DPP6: variants seen among roughly 807,000 people sequenced by gnomAD.
DPP6 encodes dipeptidyl peptidase like 6.
A neutral mutation model predicts 122.6 loss-of-function variants in DPP6; 69 were observed. The observed-to-expected ratio is 0.56, with a 90% CI of 0.46 to 0.69. The LOEUF (loss-of-function observed/expected upper bound fraction) is 0.69. Ranked by LOEUF, DPP6 falls within the 30% of genes least tolerant of loss-of-function variation. The pLI is 0.00. For missense variants in DPP6, 928 were observed against 1,116.9 expected, an observed-to-expected ratio of 0.83 and a Z score of 2.41; for synonymous variants, 418 against 433.1, an observed-to-expected ratio of 0.97 and a Z score of 0.43.
At chr7:154,722,543 A>AT (rs1206877280) in intron 7 of DPP6, among the ~76,000 whole-genome samples, 1 of 152,236 alleles carries the variant, frequency 6.6e-6, no homozygotes, top group Non-Finnish European at 1.5e-5. Flanking sequence ...GTTATTTCAG[A>AT]TTTTTAAAAA....
chr7:154,765,192 C>T (rs947091797), intron 8 of DPP6, among the ~76,000 whole-genome samples: 1 of 152,298 alleles, frequency 6.6e-6, no homozygotes, highest in South Asian at 2.1e-4. Flanking sequence ...CCAGGATTTC[C>T]TCTCTTCTAG....
At chr7:154,717,488 T>G (rs1159100510) in intron 7 of DPP6, among the ~76,000 whole-genome samples, 3 of 152,210 alleles carry the variant, frequency 2.0e-5, no homozygotes, top group African/African-American at 7.2e-5. Context: ...AGTGAGACTA[T>G]GTGACATTTG....
intron 10 of DPP6, among the ~76,000 whole-genome samples, chr7:154,773,385 C>T (rs936604238): frequency 2.0e-5 from 3 of 152,172 alleles, no homozygotes; most frequent in Non-Finnish European, 4.4e-5. Flanking sequence ...TTGGTAAGGT[C>T]GCAACCCTGT....
chr7:153,976,701 G>T (rs2129035997), intron 1 of DPP6, among the ~76,000 whole-genome samples: 1 of 152,348 alleles, frequency 6.6e-6, no homozygotes, highest in South Asian at 2.1e-4. Context: ...AAGCTCACCT[G>T]CCTGGAAGTC....
rs962643522 is a variant in DPP6, at chr7:154,377,667, G to A, written c.244-68547G>A. Among the ~76,000 whole-genome samples, 12 of 152,180 alleles carry A rather than the reference G, an allele frequency of 7.9e-5. No individual in the cohort carries two copies. In the East Asian group the frequency reaches 2.3e-3, roughly 29 times the overall value. The stretch of plus-strand genomic sequence containing the variant: ...CCCTCCTGCTTCACTGTGGTAAGAC[G>A]TGCCTTGCTTCCCCTTCACCTTCCA... On this transcript the variant is annotated intron_variant, in intron 1 of 25. Transcript: ENST00000377770.
intron 7 of DPP6, among the ~76,000 whole-genome samples, chr7:154,696,596 G>A (rs915541565): frequency 1.3e-5 from 2 of 152,202 alleles, no homozygotes; most frequent in African/African-American, 4.8e-5. Flanking sequence ...CCCAGAGCTG[G>A]AGCCTGCCAG....
intron 10 of DPP6, among the ~76,000 whole-genome samples, chr7:154,786,569 A>G (rs150353255): frequency 2.8e-4 from 42 of 152,220 alleles, no homozygotes; most frequent in African/African-American, 9.1e-4. Context: ...CCATATGAAG[A>G]AGGATGGGTT....
chr7:154,340,387 C>T (rs6962088), intron 1 of DPP6, among the ~76,000 whole-genome samples: 27,229 of 152,118 alleles, frequency 0.18, 4,691 homozygotes, highest in African/African-American at 0.45. Flanking sequence ...CACAGGTGTC[C>T]ATTGGGTCCT....
At chr7:154,121,139 T>C (rs1431632110) in intron 1 of DPP6, among the ~76,000 whole-genome samples, 1 of 152,212 alleles carries the variant, frequency 6.6e-6, no homozygotes, top group Non-Finnish European at 1.5e-5. Flanking sequence ...CTCCCAGCCA[T>C]GTGGAACTGT....
At chr7:154,264,572 A>G (rs1453781753) in intron 1 of DPP6, among the ~76,000 whole-genome samples, 2 of 152,142 alleles carry the variant, frequency 1.3e-5, no homozygotes, top group Non-Finnish European at 2.9e-5. Flanking sequence ...AGTGCTTGGT[A>G]TAGAGTGAAG....
At chr7:154,729,756 C>T (rs1480713091) in intron 8 of DPP6, among the ~76,000 whole-genome samples, 6 of 152,170 alleles carry the variant, frequency 3.9e-5, no homozygotes, top group Admixed American at 3.9e-4. Flanking sequence ...ATGTTTATTC[C>T]AATGTGGCTG....
intron 21 of DPP6, among the ~76,000 whole-genome samples, chr7:154,881,320 T>C (rs1343676458): frequency 1.3e-5 from 2 of 152,236 alleles, no homozygotes; most frequent in South Asian, 2.1e-4. Context: ...TTAATTACCA[T>C]GTCTACTTAG....
chr7:154,535,379 A>T (rs1828155733), intron 3 of DPP6, among the ~76,000 whole-genome samples: 1 of 86,048 alleles, frequency 1.2e-5, no homozygotes, highest in Non-Finnish European at 2.7e-5. Context: ...GATTTCATTC[A>T]CTTTAGATTT....
intron 10 of DPP6, among the ~76,000 whole-genome samples, chr7:154,790,597 CA>C (rs370389948): frequency 8.7e-4 from 133 of 152,094 alleles, no homozygotes; most frequent in African/African-American, 3.1e-3. Context: ...TCATATTACA[CA>C]AATGAAGAAA....
intron 1 of DPP6, among the ~76,000 whole-genome samples, chr7:154,200,395 T>C (rs1313694126): frequency 6.6e-6 from 1 of 152,188 alleles, no homozygotes; most frequent in Non-Finnish European, 1.5e-5. Context: ...GATGAGTGTA[T>C]GCTGCAGCCA....
chr7:154,158,887 G>A (rs1156799262), intron 1 of DPP6, among the ~76,000 whole-genome samples: 1 of 151,988 alleles, frequency 6.6e-6, no homozygotes, highest in East Asian at 1.9e-4. Context: ...CACGGGTCGG[G>A]AGGAGGAGGC....
At chr7:154,327,125 T>C (rs1372284015) in intron 1 of DPP6, among the ~76,000 whole-genome samples, 1 of 151,940 alleles carries the variant, frequency 6.6e-6, no homozygotes, top group East Asian at 1.9e-4. Context: ...TGAATGGTGA[T>C]GGATACCTCT....
At chr7:154,177,071 C>T (rs1476998132) in intron 1 of DPP6, among the ~76,000 whole-genome samples, 1 of 152,126 alleles carries the variant, frequency 6.6e-6, no homozygotes, top group South Asian at 2.1e-4. Flanking sequence ...TGGGCTCAAG[C>T]GATTCTCCCA....
chr7:154,196,393 A>T (rs1165582669), intron 1 of DPP6, among the ~76,000 whole-genome samples: 2 of 152,190 alleles, frequency 1.3e-5, no homozygotes, highest in Admixed American at 1.3e-4. Flanking sequence ...AGGAGGCTGC[A>T]GCAGAAGAAT....
Sources: allele counts gnomAD v4.1 joint callset (sites outside exome capture counted in the v4.1 genomes callset), GRCh38; gene constraint gnomAD v4.1.1; transcripts MANE v1.5; gene names NCBI Gene and HGNC (gene_info 2026-07-23, HGNC 2026-07-21).